Variants in FMN1 observed in about 807,000 individuals in gnomAD.
FMN1 encodes formin-1.
FMN1 carries 110 observed loss-of-function variants against 132.4 expected under a neutral mutation model. The observed-to-expected ratio is 0.83, with a 90% CI of 0.71 to 0.97. The LOEUF is 0.97. Among genes scored for constraint, FMN1 ranks in the 50% least tolerant of loss-of-function variants. The pLI is 0.00. For missense variants in FMN1, 1,792 were observed against 1,705.3 expected (o/e 1.05, Z -0.90); for synonymous variants, 722 against 651.7 (o/e 1.11, Z -1.64).
At chr15:33,066,690 C>T in intron 5 of FMN1, 1 of 1,613,746 alleles carries the variant, frequency 6.2e-7, no homozygotes, top group Non-Finnish European at 8.5e-7. Flanking sequence ...AGGGCTGTCT[C>T]TGGCGACTTT....
chr15:32,944,572 A>C (rs1426451998), intron 9 of FMN1, among the ~76,000 whole-genome samples: 2 of 152,188 alleles, frequency 1.3e-5, no homozygotes. Context: ...GCTTGGATGA[A>C]GTTTACTTTA....
chr15:32,990,591 A>C (rs2033372615), intron 7 of FMN1, among the ~76,000 whole-genome samples: 1 of 152,208 alleles, frequency 6.6e-6, no homozygotes, highest in Non-Finnish European at 1.5e-5. Flanking sequence ...TTCTAATGTA[A>C]AGGATAGCTG....
At chr15:32,957,236 C>T (rs2061789893) in intron 9 of FMN1, among the ~76,000 whole-genome samples, 1 of 147,030 alleles carries the variant, frequency 6.8e-6, no homozygotes, top group Non-Finnish European at 1.5e-5. Flanking sequence ...GCAGATCATG[C>T]TGATTTTCAG....
At chr15:33,116,198 G>T (rs1197519263) in intron 4 of FMN1, among the ~76,000 whole-genome samples, 1 of 152,156 alleles carries the variant, frequency 6.6e-6, no homozygotes, top group Non-Finnish European at 1.5e-5. Flanking sequence ...TGTAAACGTA[G>T]ACTAACTTTT....
At chr15:32,895,267 C>T (rs1409058943) in intron 15 of FMN1, among the ~76,000 whole-genome samples, 5 of 150,790 alleles carry the variant, frequency 3.3e-5, no homozygotes, top group African/African-American at 1.2e-4. Flanking sequence ...CACCATTGAA[C>T]CTTGTTAAGA....
intron 6 of FMN1, among the ~76,000 whole-genome samples, chr15:33,054,213 G>A (rs554009528): frequency 6.6e-6 from 1 of 152,102 alleles, no homozygotes; most frequent in Non-Finnish European, 1.5e-5. Flanking sequence ...GAAATTCAAA[G>A]GGTTTTAGGA....
intron 7 of FMN1, among the ~76,000 whole-genome samples, chr15:32,992,458 C>A (rs1270279797): frequency 1.5e-5 from 2 of 135,728 alleles, no homozygotes; most frequent in Non-Finnish European, 3.4e-5. Flanking sequence ...TTATAAATTT[C>A]CCTCAGGACT....
intron 6 of FMN1, among the ~76,000 whole-genome samples, chr15:33,043,036 G>A (rs530768985): frequency 1.2e-4 from 18 of 152,078 alleles, no homozygotes; most frequent in Non-Finnish European, 1.3e-4. Flanking sequence ...AAAATGGTTT[G>A]ACTTATGATG....
chr15:33,112,699 G>C (rs987217723), intron 4 of FMN1, among the ~76,000 whole-genome samples: 2 of 152,094 alleles, frequency 1.3e-5, no homozygotes, highest in African/African-American at 4.8e-5. Flanking sequence ...TACTTGTTGA[G>C]TACGTGATAA....
At chr15:32,922,677 G>A (rs1320238510) in intron 10 of FMN1, among the ~76,000 whole-genome samples, 5 of 152,210 alleles carry the variant, frequency 3.3e-5, no homozygotes, top group Admixed American at 1.3e-4. Flanking sequence ...CTGTTATCAA[G>A]GTGACAAAGC....
At chr15:32,900,152 G>C (rs188753450) in intron 13 of FMN1, 27 bp from the exon 14 acceptor site, 2 of 1,612,472 alleles carry the variant, frequency 1.2e-6, no homozygotes, top group South Asian at 1.1e-5. Context: ...CAGTTATTAC[G>C]GAGCTGAACT....
chr15:33,013,557 T>C (rs1299269836), intron 6 of FMN1, among the ~76,000 whole-genome samples: 1 of 152,216 alleles, frequency 6.6e-6, no homozygotes, highest in Admixed American at 6.5e-5. Flanking sequence ...AAATTGGATA[T>C]TTTTTACGAA....
intron 17 of FMN1, among the ~76,000 whole-genome samples, chr15:32,829,882 T>C (rs1470847003): frequency 6.6e-6 from 1 of 152,118 alleles, no homozygotes; most frequent in Non-Finnish European, 1.5e-5. Flanking sequence ...TTTAGACAAA[T>C]ACCCACACAG....
At chr15:33,119,511 C>CGTA (rs1555403760) in intron 4 of FMN1, among the ~76,000 whole-genome samples, 1 of 152,160 alleles carries the variant, frequency 6.6e-6, no homozygotes, top group Non-Finnish European at 1.5e-5. Flanking sequence ...GTCCACCGTC[C>CGTA]GTACGCTCAG....
chr15:32,851,686 T>C (rs1341423375), intron 17 of FMN1, among the ~76,000 whole-genome samples: 1 of 152,180 alleles, frequency 6.6e-6, no homozygotes, highest in Non-Finnish European at 1.5e-5. Context: ...TACCACAGTT[T>C]TGTCAAATAA....
intron 4 of FMN1, among the ~76,000 whole-genome samples, chr15:33,130,560 G>C (rs2468741): frequency 0.29 from 41,983 of 144,390 alleles, 6,371 homozygotes; most frequent in East Asian, 0.64. Flanking sequence ...AAGCAATTTT[G>C]ATGACAAGAA....
intron 4 of FMN1, among the ~76,000 whole-genome samples, chr15:33,133,268 G>A (rs916518841): frequency 2.0e-5 from 3 of 152,212 alleles, no homozygotes; most frequent in African/African-American, 7.2e-5. Flanking sequence ...ACAGTGCGCT[G>A]GGAGTCAGGG....
chr15:32,843,666 A>G (rs1048479843), intron 17 of FMN1, among the ~76,000 whole-genome samples: 4 of 152,208 alleles, frequency 2.6e-5, no homozygotes, highest in African/African-American at 9.6e-5. Context: ...GGGATGGTGC[A>G]ATGAGCTCAG....
At chr15:33,149,664 T>C in intron 4 of FMN1, 8 of 399,542 alleles carry the variant, frequency 2.0e-5, no homozygotes, top group Non-Finnish European at 2.7e-5. Flanking sequence ...ATGGGTAGAA[T>C]ATGGCTGATG....
Sources: allele counts gnomAD v4.1 joint callset (sites outside exome capture counted in the v4.1 genomes callset), GRCh38; gene constraint gnomAD v4.1.1; transcripts MANE v1.5; gene names NCBI Gene and HGNC (gene_info 2026-07-23, HGNC 2026-07-21).